Variants in PCDHGA8 observed in about 807,000 individuals in gnomAD.
The protein encoded by PCDHGA8 is protocadherin gamma-A8.
Under a neutral mutation model 59.2 loss-of-function variants are expected in PCDHGA8, and 45 were observed. That is an observed-to-expected ratio of 0.76 (90% CI 0.60 to 0.98). The LOEUF (loss-of-function observed/expected upper bound fraction) is 0.98, where lower values mean the gene tolerates loss of function less well. Ranked by LOEUF, PCDHGA8 falls within the 50% of genes least tolerant of loss-of-function variation. The pLI, the probability that PCDHGA8 is intolerant of heterozygous loss-of-function variation, is 0.00. For missense variants in PCDHGA8, 1,257 were observed against 1,196.2 expected (o/e 1.05, Z -0.75); for synonymous variants, 531 against 519.0 (o/e 1.02, Z -0.32).
At chr5:141,422,044 G>C in intron 1 of PCDHGA8, 1 of 1,611,530 alleles carries the variant, frequency 6.2e-7, no homozygotes, top group Admixed American at 1.7e-5. Flanking sequence ...TCCAGACGAG[G>C]GAATCAACGG....
At chr5:141,421,512 G>A in intron 1 of PCDHGA8, 1 of 1,614,094 alleles carries the variant, frequency 6.2e-7, no homozygotes, top group Non-Finnish European at 8.5e-7. Flanking sequence ...ACCGGGAGGA[G>A]CTCTGTGAGA....
At chr5:141,405,372 T>C in intron 1 of PCDHGA8, 1 of 1,601,630 alleles carries the variant, frequency 6.2e-7, no homozygotes, top group East Asian at 2.2e-5. Flanking sequence ...ACCCCTTTGG[T>C]TCCGGTGAGT....
At chr5:141,492,265 G>C (rs1363279754) in intron 1 of PCDHGA8, among the ~76,000 whole-genome samples, 1 of 152,180 alleles carries the variant, frequency 6.6e-6, no homozygotes, top group Non-Finnish European at 1.5e-5. Flanking sequence ...CAAGTTGCAC[G>C]GGCTCGCCAC....
rs1369501221 is a variant in PCDHGA8 at position 141,493,257 on chromosome 5, A to G, written c.2425-1550A>G. On this transcript the variant is annotated intron_variant, in intron 1 of 3. Coordinates refer to ENST00000398604, the MANE Select transcript of PCDHGA8 (RefSeq NM_032088.2). The surrounding 1 kb of genome is among the most constrained non-coding windows in gnomAD (Gnocchi z 4.3). ...GGCTAGGTACTAACATGCCTCTCTT[A>G]TAACAGCTTCACAGAGGTCAAGTGA... Among the ~76,000 whole-genome samples the G allele has an allele frequency of 6.6e-6, 1 of 152,190 alleles. No individual in the cohort carries two copies. Among genetic ancestry groups the G allele is most frequent in the South Asian group, 2.1e-4 (1 of 4,830 alleles).
intron 1 of PCDHGA8, chr5:141,414,875 T>G: frequency 6.2e-7 from 1 of 1,614,196 alleles, no homozygotes; most frequent in Non-Finnish European, 8.5e-7. Context: ...CCCGAGATCC[T>G]GTACCCCGCC....
chr5:141,400,072 C>G (rs1469206078), intron 1 of PCDHGA8: 1 of 1,613,934 alleles, frequency 6.2e-7, no homozygotes, highest in Non-Finnish European at 8.5e-7. Context: ...TGGACAGCCG[C>G]CACTCTCCGC....
intron 1 of PCDHGA8, chr5:141,400,265 G>T (rs2093992954): frequency 6.2e-7 from 1 of 1,613,876 alleles, no homozygotes. Context: ...CGCCTGCGAC[G>T]CTCCTCCAGC....
At position 141,491,587 on chromosome 5, in the gene PCDHGA8, G is replaced by A. The variant is rs1177701526; in HGVS notation, c.2425-3220G>A. 1.2e-6 allele frequency: 2 copies of A among 1,613,834 alleles called. No individual in the cohort carries two copies. Among genetic ancestry groups the A allele is most frequent in the African/African-American group, 2.7e-5 (2 of 74,926 alleles). On this transcript the variant is annotated intron_variant, in intron 1 of 3. Coordinates refer to ENST00000398604, the MANE Select transcript of PCDHGA8 (RefSeq NM_032088.2). The surrounding 1 kb of genome is among the most constrained non-coding windows in gnomAD (Gnocchi z 6.9). ...CAGGACGTGCTTTTCACCGGCCTCG[G>A]ACGGCAGTGACTTCACTTTTCTAAG...
At chr5:141,492,506 C>T (rs2154587372) in intron 1 of PCDHGA8, among the ~76,000 whole-genome samples, 2 of 152,318 alleles carry the variant, frequency 1.3e-5, no homozygotes, top group South Asian at 4.1e-4. Context: ...ACTCCGGAGC[C>T]TCCTCTCACC....
intron 2 of PCDHGA8, among the ~76,000 whole-genome samples, chr5:141,501,771 G>A (rs957546749): frequency 7.2e-5 from 11 of 152,118 alleles, no homozygotes; most frequent in African/African-American, 2.7e-4. Context: ...GGTTAAAAAA[G>A]AGGTCTCTCT....
chr5:141,510,252 G>A (rs1342841474), intron 3 of PCDHGA8, among the ~76,000 whole-genome samples: 4 of 148,432 alleles, frequency 2.7e-5, no homozygotes, highest in Admixed American at 1.3e-4. Context: ...CAGGCTGGGC[G>A]ACAGAGCAGG....
intron 2 of PCDHGA8, among the ~76,000 whole-genome samples, chr5:141,503,132 CCT>C (rs1388312522): frequency 6.6e-6 from 1 of 151,994 alleles, no homozygotes; most frequent in Non-Finnish European, 1.5e-5. Flanking sequence ...TCTGGTAGCC[CCT>C]GACACAGCCC....
At chr5:141,508,700 CCT>C in intron 3 of PCDHGA8, among the ~76,000 whole-genome samples, 1 of 152,158 alleles carries the variant, frequency 6.6e-6, no homozygotes, top group Non-Finnish European at 1.5e-5. Flanking sequence ...CCGTGTTCCT[CCT>C]CATTCTTTTC....
At chr5:141,469,569 G>A (rs975304006) in intron 1 of PCDHGA8, among the ~76,000 whole-genome samples, 1 of 152,122 alleles carries the variant, frequency 6.6e-6, no homozygotes, top group Non-Finnish European at 1.5e-5. Flanking sequence ...GTGAGACTCT[G>A]TCTCTAAATA....
At chr5:141,414,244 T>A in intron 1 of PCDHGA8, 1 of 1,613,526 alleles carries the variant, frequency 6.2e-7, no homozygotes, top group Admixed American at 1.7e-5. Context: ...CACGTCTCTA[T>A]TTAGTCCAGT....
At chr5:141,504,529 G>A (rs1333393859) in intron 2 of PCDHGA8, among the ~76,000 whole-genome samples, 1 of 151,900 alleles carries the variant, frequency 6.6e-6, no homozygotes, top group African/African-American at 2.4e-5. Context: ...TATTTTATTC[G>A]TGTCATCATG....
At chr5:141,410,523 A>G (rs2095403267) in intron 1 of PCDHGA8, 3 of 1,613,800 alleles carry the variant, frequency 1.9e-6, no homozygotes, top group South Asian at 2.2e-5. Flanking sequence ...GTGCCCCTAC[A>G]TTCCAATGAA....
intron 1 of PCDHGA8, among the ~76,000 whole-genome samples, chr5:141,397,021 AC>A (rs1313075505): frequency 6.6e-6 from 1 of 152,234 alleles, no homozygotes; most frequent in Non-Finnish European, 1.5e-5. Context: ...AAGAAGGTTG[AC>A]CAATGTCCAC....
chr5:141,394,007 A>G lies in PCDHGA8; in HGVS notation c.1194A>G (p.Ile398Met), dbSNP rs1230558462. The G allele has an allele frequency of 3.7e-6, 6 of 1,613,344 alleles. No homozygotes were observed. The East Asian group carries it at 1.3e-4, about 36-fold the overall frequency. ...DNLPFKLEKS[I>M]GNYYRLVTRK... is the part of the protein sequence containing the mutation. Reference sequence around the variant, plus strand: ...TACCTTTTAAATTAGAAAAGTCAATAGGTAATTATTATAGATTAGTGACAA... The same window carrying G: ...TACCTTTTAAATTAGAAAAGTCAATGGGTAATTATTATAGATTAGTGACAA... The change falls in exon 1 of 4, where the codon ATA becomes ATG. Residue 398 changes from isoleucine (I) to methionine (M), a missense_variant. Physicochemically the swap from Ile to Met is conservative, Grantham distance 10. Coordinates refer to ENST00000398604, the MANE Select transcript of PCDHGA8 (RefSeq NM_032088.2).
Sources: gnomAD v4.1 joint callset for allele counts (sites outside exome capture counted in the v4.1 genomes callset) on GRCh38, gnomAD v4.1.1 for gene constraint, Gnocchi (gnomAD v3.1) non-coding constraint, MANE v1.5 for transcripts, NCBI Gene and HGNC (gene_info 2026-07-23, HGNC 2026-07-21) for gene names.